The following PGM2L1 variants were observed in gnomAD, a reference collection of about 807,000 sequenced individuals.
PGM2L1 encodes the protein glucose 1,6-bisphosphate synthase.
Under a neutral mutation model 73.4 loss-of-function variants are expected in PGM2L1, and 35 were observed. The ratio of observed to expected loss-of-function variants is 0.48; its 90% CI spans 0.36 to 0.63. The LOEUF (loss-of-function observed/expected upper bound fraction) is 0.63. Ranked by LOEUF, PGM2L1 falls within the 30% of genes least tolerant of loss-of-function variation. PGM2L1 has a pLI of 0.00. For synonymous variants in PGM2L1, 225 were observed against 253.8 expected (o/e 0.89, Z 1.08); for missense variants, 570 against 742.0 (o/e 0.77, Z 2.69).
intron 5 of PGM2L1, among the ~76,000 whole-genome samples, chr11:74,365,757 G>C (rs964362086): frequency 3.3e-5 from 5 of 152,216 alleles, no homozygotes; most frequent in Non-Finnish European, 7.3e-5. Flanking sequence ...CTTTTACACT[G>C]TTGGTGGGAC....
At chr11:74,352,459 A>G (rs1470659569) in intron 5 of PGM2L1, among the ~76,000 whole-genome samples, 2 of 152,328 alleles carry the variant, frequency 1.3e-5, no homozygotes, top group African/African-American at 4.8e-5. Flanking sequence ...TCAATAAGAC[A>G]TTAGGAACAG....
At chr11:74,381,291 T>C (rs1862938915) in intron 1 of PGM2L1, among the ~76,000 whole-genome samples, 1 of 152,166 alleles carries the variant, frequency 6.6e-6, no homozygotes, top group South Asian at 2.1e-4. Context: ...TCACTGGATA[T>C]GAAAGAGATG....
chr11:74,343,503 T>C lies in PGM2L1; in HGVS notation c.1219-87A>G, dbSNP rs78840593. On this transcript the variant is annotated intron_variant, in intron 9 of 13. Transcript: ENST00000298198. Reference sequence around the variant, plus strand: ...AATCTGCCACTACATGCACACAACGTTCATATAATGATCCTTACTATAGTC... The same window carrying C: ...AATCTGCCACTACATGCACACAACGCTCATATAATGATCCTTACTATAGTC... The C allele has an allele frequency of 2.1e-3, 3,200 of 1,535,950 alleles. 48 individuals carry two copies. In the African/African-American group the frequency reaches 0.031, roughly 15 times the overall value.
chr11:74,356,058 T>C lies in PGM2L1; in HGVS notation c.556-4482A>G, dbSNP rs1177118094. Among the ~76,000 whole-genome samples, 7 of 152,146 alleles carry C rather than the reference T, an allele frequency of 4.6e-5. No homozygotes were observed. The South Asian group carries it at 1.0e-3, about 23-fold the overall frequency. ...TCATGATGCTGAATAAATGTCTTTT[T>C]TTTTTTTAATGTGCTGTGTAAAGTT... is the stretch of plus-strand genomic sequence containing the variant. On this transcript the variant is annotated intron_variant, in intron 5 of 13. Coordinates refer to ENST00000298198, the MANE Select transcript of PGM2L1 (RefSeq NM_173582.6).
Position 74,351,590 on chromosome 11 carries a change from A to G in PGM2L1, c.556-14T>C, listed in dbSNP as rs1407509857. 1.9e-6 allele frequency: 3 copies of G among 1,567,162 alleles called. No homozygotes were observed. The highest frequency in any genetic ancestry group is 2.6e-6 in the Non-Finnish European group (3 of 1,153,390). ...TTCCCAGTAAACCTAGATGATAAGT[A>G]AATATAACCATAATTACTTAAAATG... On this transcript the variant is annotated splice_polypyrimidine_tract_variant and intron_variant, in intron 5 of 13. Coordinates refer to ENST00000298198, the MANE Select transcript of PGM2L1 (RefSeq NM_173582.6).
rs577815830 is a variant in PGM2L1, at chr11:74,338,395, G to A, written c.1766+73C>T. The A allele has an allele frequency of 2.7e-4, 359 of 1,321,908 alleles. 4 individuals are homozygous for A. In the African/African-American group the frequency reaches 4.7e-3, roughly 17 times the overall value. 81.9% of individuals were successfully genotyped at this position (1,321,908 alleles called of 1,614,324 possible). A position where few individuals can be genotyped will look rare whatever the true frequency, so the allele number is the denominator to read the frequency against. On this transcript the variant is annotated intron_variant, in intron 13 of 13. Transcript: ENST00000298198. ...CCACTGAATTGTACATTTTAAGTGC[G>A]TGAGCTGTATGGTATGTGAATTATA... is the stretch of plus-strand genomic sequence containing the variant.
chr11:74,381,735 T>C (rs769367589), intron 1 of PGM2L1, among the ~76,000 whole-genome samples: 8 of 151,884 alleles, frequency 5.3e-5, no homozygotes, highest in Non-Finnish European at 8.8e-5. Context: ...GTGAAGCCAC[T>C]GCACCCAGTG....
At chr11:74,363,622 T>G (rs1369278609) in intron 5 of PGM2L1, among the ~76,000 whole-genome samples, 1 of 152,084 alleles carries the variant, frequency 6.6e-6, no homozygotes, top group African/African-American at 2.4e-5. Flanking sequence ...AAGAAATGGA[T>G]AAATTCCTGG....
chr11:74,388,333 AT>A (rs1379502534), intron 1 of PGM2L1, among the ~76,000 whole-genome samples: 1 of 13,108 alleles, frequency 7.6e-5, no homozygotes, highest in African/African-American at 6.2e-4. Context: ...ATAAAATAAA[AT>A]TAAAAAAAAT....
At chr11:74,383,690 AT>A in intron 1 of PGM2L1, among the ~76,000 whole-genome samples, 1 of 151,994 alleles carries the variant, frequency 6.6e-6, no homozygotes, top group South Asian at 2.1e-4. Context: ...AAGTGAGAAC[AT>A]GCGGTGTTCG....
chr11:74,396,078 C>T (rs893087816), intron 1 of PGM2L1, among the ~76,000 whole-genome samples: 1 of 151,242 alleles, frequency 6.6e-6, no homozygotes. Flanking sequence ...ATAGTGAGAC[C>T]CCATTTCTAA....
Position 74,379,181 on chromosome 11 carries a change from T to C in PGM2L1, c.112-4599A>G, listed in dbSNP as rs12296098. ...CTTCTGGTGAGGCCCAGGAAGCTTT[T>C]AGTCATCGCAGAAGGGAAGGATAGC... On this transcript the variant is annotated intron_variant, in intron 1 of 13. Coordinates refer to ENST00000298198, the MANE Select transcript of PGM2L1 (RefSeq NM_173582.6). Among the ~76,000 whole-genome samples, 607 of 152,278 alleles carry C rather than the reference T, an allele frequency of 4.0e-3. 6 individuals carry two copies. Among genetic ancestry groups the C allele is most frequent in the African/African-American group, 0.014 (575 of 41,556 alleles).
At chr11:74,372,145 G>C (rs1383600902) in intron 2 of PGM2L1, among the ~76,000 whole-genome samples, 4 of 144,910 alleles carry the variant, frequency 2.8e-5, no homozygotes, top group African/African-American at 1.0e-4. Flanking sequence ...AAAAAAAAAA[G>C]ATTAGAAGAG....
intron 1 of PGM2L1, among the ~76,000 whole-genome samples, chr11:74,397,199 A>T (rs1234199924): frequency 1.3e-5 from 2 of 152,228 alleles, no homozygotes; most frequent in African/African-American, 4.8e-5. Flanking sequence ...AAGGTATTTT[A>T]CGCACTTGAC....
intron 9 of PGM2L1, 64 bp downstream of exon 9, chr11:74,345,405 G>A: frequency 5.3e-6 from 7 of 1,319,472 alleles, no homozygotes; most frequent in Non-Finnish European, 7.4e-6. Flanking sequence ...TCTTGGTGGG[G>A]AGATGTCTTT....
intron 5 of PGM2L1, among the ~76,000 whole-genome samples, chr11:74,365,925 CG>C (rs1248218686): frequency 6.6e-6 from 1 of 152,010 alleles, no homozygotes; most frequent in Non-Finnish European, 1.5e-5. Context: ...ATGTTTATTG[CG>C]GCACTATTCA....
At chr11:74,353,892 C>T (rs1245257217) in intron 5 of PGM2L1, among the ~76,000 whole-genome samples, 8 of 150,412 alleles carry the variant, frequency 5.3e-5, no homozygotes, top group African/African-American at 2.0e-4. Context: ...GGGCTGAAAA[C>T]CCAGAATGTT....
intron 1 of PGM2L1, among the ~76,000 whole-genome samples, chr11:74,377,292 C>G (rs1049303019): frequency 1.3e-5 from 2 of 152,030 alleles, no homozygotes; most frequent in African/African-American, 4.8e-5. Context: ...CGCCACCACG[C>G]CCAGCTAATT....
chr11:74,371,300 TAA>T (rs993359590), intron 3 of PGM2L1, among the ~76,000 whole-genome samples: 6 of 152,268 alleles, frequency 3.9e-5, no homozygotes, highest in Non-Finnish European at 5.9e-5. Flanking sequence ...AAAAGTGATA[TAA>T]GAGACTTTGA....
Sources: allele counts gnomAD v4.1 joint callset (sites outside exome capture counted in the v4.1 genomes callset), GRCh38; gene constraint gnomAD v4.1.1; transcripts MANE v1.5; gene names NCBI Gene and HGNC (gene_info 2026-07-23, HGNC 2026-07-21).